The following QRFPR variants were observed in gnomAD, a reference collection of about 807,000 sequenced individuals.
The protein encoded by QRFPR is pyroglutamylated RF-amide peptide receptor.
A neutral mutation model predicts 31.3 loss-of-function variants in QRFPR; 37 were observed. The observed-to-expected ratio is 1.18, with a 90% confidence interval of 0.91 to 1.56. QRFPR has a LOEUF of 1.56. QRFPR is among the 40% of genes most tolerant of loss of function. The pLI, the probability that QRFPR is intolerant of heterozygous loss-of-function variation, is 0.00. For missense variants in QRFPR, 542 were observed against 532.5 expected, an observed-to-expected ratio of 1.02 and a Z score of -0.18; for synonymous variants, 197 against 192.0, an observed-to-expected ratio of 1.03 and a Z score of -0.22.
At chr4:121,380,171 C>T in intron 1 of QRFPR, 137 bp downstream of exon 1, 2 of 561,172 alleles carry the variant, frequency 3.6e-6, no homozygotes, top group South Asian at 4.2e-5. Context: ...GAGAGAGAGA[C>T]AGACAGACGA....
Position 121,332,839 on chromosome 4 carries a change from T to A in QRFPR, c.779A>T (p.Glu260Val), listed in dbSNP as rs771751283. 36 of 1,613,428 alleles carry A rather than the reference T, an allele frequency of 2.2e-5. No individual in the cohort carries two copies. The highest frequency in any genetic ancestry group is 3.0e-5 in the Non-Finnish European group (35 of 1,179,484). The part of the protein sequence containing the change: ...GSVLRTIHGK[E>V]MSKIARKKKR... The stretch of plus-strand genomic sequence containing the variant: ...AACAGACCTGGCTATTTTGGACATT[T>A]CTTTTCCATGAATAGTTCGAAGCAC... Residue 260 changes from glutamate to valine, a missense_variant, in exon 4 of 6, where the codon GAA becomes GTA. By Grantham distance (121) the Glu-to-Val change is moderately radical (BLOSUM62 -2). Transcript: ENST00000394427.
At chr4:121,330,174 G>A (rs893656406) in intron 5 of QRFPR, among the ~76,000 whole-genome samples, 1 of 152,154 alleles carries the variant, frequency 6.6e-6, no homozygotes, top group Non-Finnish European at 1.5e-5. Flanking sequence ...AATAGCCTAG[G>A]GAGAACAGAA....
intron 1 of QRFPR, among the ~76,000 whole-genome samples, chr4:121,351,161 G>A (rs1725753852): frequency 6.6e-6 from 1 of 152,146 alleles, no homozygotes. Flanking sequence ...TTTAGAATGG[G>A]ACAGATTGAA....
At chr4:121,342,383 T>C (rs529297269) in intron 1 of QRFPR, among the ~76,000 whole-genome samples, 1 of 152,134 alleles carries the variant, frequency 6.6e-6, no homozygotes, top group East Asian at 1.9e-4. Context: ...AGTGAGCCAA[T>C]CCCTCATAAT....
At chr4:121,339,256 C>T (rs1278107301) in intron 2 of QRFPR, among the ~76,000 whole-genome samples, 1 of 152,276 alleles carries the variant, frequency 6.6e-6, no homozygotes, top group East Asian at 1.9e-4. Flanking sequence ...TAGTTGCTTG[C>T]TACACCTCTG....
At chr4:121,346,031 C>T (rs142179659) in intron 1 of QRFPR, among the ~76,000 whole-genome samples, 1 of 150,938 alleles carries the variant, frequency 6.6e-6, no homozygotes, top group African/African-American at 2.4e-5. Context: ...GGTATAATTG[C>T]ATGAAAGTAT....
intron 1 of QRFPR, among the ~76,000 whole-genome samples, chr4:121,374,184 A>G (rs953011827): frequency 6.6e-6 from 1 of 152,174 alleles, no homozygotes; most frequent in African/African-American, 2.4e-5. Context: ...GAAAGACTCT[A>G]AAAACGTTAA....
intron 1 of QRFPR, among the ~76,000 whole-genome samples, chr4:121,359,381 A>C (rs568727439): frequency 6.6e-6 from 1 of 152,196 alleles, no homozygotes; most frequent in East Asian, 1.9e-4. Flanking sequence ...CCCACCTTTA[A>C]TCTGGTGGGC....
intron 1 of QRFPR, among the ~76,000 whole-genome samples, chr4:121,348,847 C>T (rs569521863): frequency 2.2e-4 from 34 of 152,216 alleles, no homozygotes; most frequent in African/African-American, 7.7e-4. Context: ...CCTATAATCC[C>T]AGCACTTTGG....
chr4:121,329,573 G>T lies in QRFPR; in HGVS notation c.1037C>A (p.Ala346Glu), dbSNP rs751294789. The change falls in exon 6 of 6, where the codon GCA becomes GAA. Residue 346 changes from alanine to glutamate, a missense_variant. By Grantham distance (107) the Ala-to-Glu change is moderately radical (BLOSUM62 -1). Coordinates refer to ENST00000394427, the MANE Select transcript of QRFPR (RefSeq NM_198179.3). ...NENFKKNVLS[A>E]VCYCIVNKTF... Reference sequence around the variant, plus strand: ...TTTATTTACTATGCAATAACAAACTGCAGACAAAACATTTTTTTTGAAGTT... The same window carrying T: ...TTTATTTACTATGCAATAACAAACTTCAGACAAAACATTTTTTTTGAAGTT... The T allele has an allele frequency of 3.7e-6, 6 of 1,613,558 alleles. No homozygotes were observed. The highest frequency in any genetic ancestry group is 1.3e-5 in the African/African-American group (1 of 75,020).
At chr4:121,340,344 T>C (rs1284502697) in intron 2 of QRFPR, 108 bp downstream of exon 2, 1 of 1,179,834 alleles carries the variant, frequency 8.5e-7, no homozygotes, top group Admixed American at 2.0e-5. Context: ...TATATTCCAA[T>C]GCCTACAAGT....
At chr4:121,372,067 G>T (rs1726257912) in intron 1 of QRFPR, among the ~76,000 whole-genome samples, 1 of 152,166 alleles carries the variant, frequency 6.6e-6, no homozygotes, top group South Asian at 2.1e-4. Context: ...AAAGACTGTA[G>T]CTGAACCTTA....
intron 1 of QRFPR, among the ~76,000 whole-genome samples, chr4:121,357,280 T>G (rs917582327): frequency 2.6e-5 from 4 of 152,066 alleles, no homozygotes; most frequent in African/African-American, 7.2e-5. Flanking sequence ...ATGATAATGA[T>G]AGCATATTAT....
intron 3 of QRFPR, 35 bp from the exon 4 acceptor site, chr4:121,333,091 TAGTC>T: frequency 7.1e-7 from 1 of 1,415,274 alleles, no homozygotes; most frequent in Non-Finnish European, 9.8e-7. Flanking sequence ...AAAGAACCAG[TAGTC>T]AGCATCAAAA....
At chr4:121,373,843 T>C (rs1454118312) in intron 1 of QRFPR, among the ~76,000 whole-genome samples, 1 of 152,240 alleles carries the variant, frequency 6.6e-6, no homozygotes, top group Non-Finnish European at 1.5e-5. Context: ...CATTTCATGT[T>C]GTGTACAGTG....
At position 121,376,701 on chromosome 4, in the gene QRFPR, G is replaced by C. The variant is rs569073235; in HGVS notation, c.340+3607C>G. On this transcript the variant is annotated intron_variant, in intron 1 of 5. Transcript: ENST00000394427. ...TGTGCACACTGGGCTCTGTAAGGCA[G>C]TGTGGCTGGCTCCAAAGAGACAAGT... Among the ~76,000 whole-genome samples, 37 of 152,344 alleles carry C rather than the reference G, an allele frequency of 2.4e-4. 1 individual carries two copies. The South Asian group carries it at 2.5e-3, about 10-fold the overall frequency.
intron 1 of QRFPR, among the ~76,000 whole-genome samples, chr4:121,350,683 AG>A (rs1725747724): frequency 6.6e-6 from 1 of 152,182 alleles, no homozygotes; most frequent in Non-Finnish European, 1.5e-5. Context: ...TATTTTTGGA[AG>A]GTAGCTTGAT....
intron 2 of QRFPR, among the ~76,000 whole-genome samples, chr4:121,337,088 T>C (rs914637906): frequency 6.6e-6 from 1 of 152,240 alleles, no homozygotes; most frequent in Admixed American, 6.5e-5. Context: ...TTAATAGTGT[T>C]TCACTGCCTA....
At chr4:121,365,580 ATTATATATATT>A (rs1726101541) in intron 1 of QRFPR, among the ~76,000 whole-genome samples, 1 of 4,834 alleles carries the variant, frequency 2.1e-4, no homozygotes, top group Admixed American at 4.7e-3. Context: ...TATAATATAT[ATTATATATATT>A]ATATATATAT....
Sources: gnomAD v4.1 joint callset for allele counts (sites outside exome capture counted in the v4.1 genomes callset) on GRCh38, gnomAD v4.1.1 for gene constraint, MANE v1.5 for transcripts, NCBI Gene and HGNC (gene_info 2026-07-23, HGNC 2026-07-21) for gene names.